ANO9: variants seen among roughly 807,000 people sequenced by gnomAD.
ANO9 encodes anoctamin 9, also known as anoctamin-9.
A neutral mutation model predicts 100.5 loss-of-function variants in ANO9; 80 were observed. That is an observed-to-expected ratio of 0.80 (90% CI 0.66 to 0.96). ANO9 has a LOEUF of 0.96. Among genes scored for constraint, ANO9 ranks in the 40% least tolerant of loss-of-function variants. The probability of loss-of-function intolerance (pLI) is 0.00; values close to 1 mark genes in which losing one functional copy is unlikely to be tolerated. For synonymous variants in ANO9, 473 were observed against 435.6 expected, an observed-to-expected ratio of 1.09 and a Z score of -1.07; for missense variants, 1,064 against 1,072.7, an observed-to-expected ratio of 0.99 and a Z score of 0.11.
chr11:435,371 A>C (rs1401639168), intron 1 of ANO9, among the ~76,000 whole-genome samples: 4 of 151,982 alleles, frequency 2.6e-5, no homozygotes, highest in Non-Finnish European at 5.9e-5. Context: ...ATAGCATAGG[A>C]TATCATAGCA....
intron 5 of ANO9, 39 bp from the exon 6 acceptor site, chr11:431,945 G>T: frequency 4.3e-6 from 7 of 1,612,026 alleles, no homozygotes; most frequent in Non-Finnish European, 5.9e-6. Flanking sequence ...GGAGTGAGGT[G>T]CTGGGAGAAC....
chr11:433,756 C>T (rs1849228301), intron 3 of ANO9, 59 bp downstream of exon 3: 1 of 1,520,768 alleles, frequency 6.6e-7, no homozygotes, highest in South Asian at 1.3e-5. Flanking sequence ...ATGGCCCTGC[C>T]CCTCGCTGGA....
intron 22 of ANO9, 65 bp downstream of exon 22, chr11:418,655 G>T: frequency 6.2e-7 from 1 of 1,610,142 alleles, no homozygotes; most frequent in Non-Finnish European, 8.5e-7. Flanking sequence ...GTTCAGGGCC[G>T]GGGAGAAGGA....
intron 15 of ANO9, among the ~76,000 whole-genome samples, chr11:423,933 G>A (rs2133685261): frequency 7.2e-6 from 1 of 138,312 alleles, no homozygotes; most frequent in South Asian, 2.2e-4. Context: ...ATTTGAGATG[G>A]AGCCTCACTC....
chr11:420,298 A>T (rs942638915), intron 19 of ANO9, 165 bp downstream of exon 19: 1 of 1,444,210 alleles, frequency 6.9e-7, no homozygotes, highest in East Asian at 2.5e-5. Flanking sequence ...GTACCCTCCC[A>T]CCCAGGCTCA....
Position 432,209 on chromosome 11 carries a change from A to C in ANO9, c.351-155T>G. The C allele has an allele frequency of 1.3e-6, 1 of 778,182 alleles. No individual in the cohort carries two copies. The highest frequency in any genetic ancestry group is 2.0e-6 in the Non-Finnish European group (1 of 489,692). The allele number at this position is 778,182 out of a possible 1,614,324, so 48.2% of individuals were successfully genotyped here. A position where few individuals can be genotyped will look rare whatever the true frequency, so the allele number is the denominator to read the frequency against. Reference sequence around the variant, plus strand: ...GACCAGAGCCCAGAATCCACAACTCACCCGGGAGCCCACCCCGCACCCTCC... The same window carrying C: ...GACCAGAGCCCAGAATCCACAACTCCCCCGGGAGCCCACCCCGCACCCTCC... On this transcript the variant is annotated intron_variant, in intron 4 of 22. Coordinates refer to ENST00000332826, the MANE Select transcript of ANO9 (RefSeq NM_001012302.3). This position sits in a 1 kb window ranked among gnomAD's most constrained non-coding sequence, Gnocchi z 4.8.
In ANO9 at chr11:421,692, G is replaced by A. The variant is rs1288614267; in HGVS notation, c.1335-494C>T. Among the ~76,000 whole-genome samples the A allele has an allele frequency of 2.0e-5, 3 of 152,184 alleles. No individual in the cohort carries two copies. The highest frequency in any genetic ancestry group is 3.2e-3 in the Middle Eastern group (1 of 316). The stretch of plus-strand genomic sequence containing the variant: ...GGCAAGGCCACAGGCTCCAACACAC[G>A]CTCCAGACAGTGTCTGTTACGAGTG... On this transcript the variant is annotated intron_variant, in intron 15 of 22. Transcript: ENST00000332826. This position sits in a 1 kb window ranked among gnomAD's most constrained non-coding sequence, Gnocchi z 6.8.
Position 432,286 on chromosome 11 carries a change from G to T in ANO9, c.351-232C>A. The T allele has an allele frequency of 1.8e-6, 1 of 553,704 alleles. No individual in the cohort carries two copies. Among genetic ancestry groups the T allele is most frequent in the Non-Finnish European group, 3.2e-6 (1 of 309,078 alleles). 34.3% of individuals were successfully genotyped at this position (553,704 alleles called of 1,614,324 possible). ...CCCCACGGCGTCCAGGATGAGGCTG[G>T]GCTGGGGGCTCCTTCTCCTCCCAGC... On this transcript the variant is annotated intron_variant, in intron 4 of 22. Transcript: ENST00000332826. The surrounding 1 kb of genome is among the most constrained non-coding windows in gnomAD (Gnocchi z 4.8).
intron 20 of ANO9, chr11:419,316 C>T (rs1363745797): frequency 2.5e-5 from 35 of 1,406,670 alleles, no homozygotes; most frequent in Non-Finnish European, 3.0e-5. Context: ...GGGAGGGAGC[C>T]GTTCTGGCAG....
chr11:441,799 A>ACC (rs1337136119), intron 1 of ANO9, 122 bp downstream of exon 1: 1 of 1,362,132 alleles, frequency 7.3e-7, no homozygotes. Flanking sequence ...GCCTGCAGGG[A>ACC]CCCCCCCCAC....
Position 421,331 on chromosome 11 carries a change from G to A in ANO9, c.1335-133C>T, listed in dbSNP as rs371833592. 1 of 915,364 alleles carries A rather than the reference G, an allele frequency of 1.1e-6. No homozygotes were observed. The highest frequency in any genetic ancestry group is 1.7e-5 in the African/African-American group (1 of 59,412). The allele number at this position is 915,364 out of a possible 1,614,324, so 56.7% of individuals were successfully genotyped here. ...GGCCCTGCAGGTGAGCGGGGCACAGGTGCTCACACCCAGATGAACCGCACC... is the reference window on the plus strand; with the variant it reads ...GGCCCTGCAGGTGAGCGGGGCACAGATGCTCACACCCAGATGAACCGCACC... On this transcript the variant is annotated intron_variant, in intron 15 of 22. Coordinates refer to ENST00000332826, the MANE Select transcript of ANO9 (RefSeq NM_001012302.3). The surrounding 1 kb of genome is among the most constrained non-coding windows in gnomAD (Gnocchi z 6.8).
In ANO9 at chr11:421,692, G is replaced by T. The variant is rs1288614267; in HGVS notation, c.1335-494C>A. Among the ~76,000 whole-genome samples, 2 of 152,302 alleles carry T rather than the reference G, an allele frequency of 1.3e-5. No homozygotes were observed. Among genetic ancestry groups the T allele is most frequent in the South Asian group, 2.1e-4 (1 of 4,824 alleles). On this transcript the variant is annotated intron_variant, in intron 15 of 22. Coordinates refer to ENST00000332826, the MANE Select transcript of ANO9 (RefSeq NM_001012302.3). This position sits in a 1 kb window ranked among gnomAD's most constrained non-coding sequence, Gnocchi z 6.8. ...GGCAAGGCCACAGGCTCCAACACAC[G>T]CTCCAGACAGTGTCTGTTACGAGTG...
rs1845917988 is a variant in ANO9 at position 441,951 on chromosome 11, T to C, written c.-25A>G. 6.2e-7 allele frequency: 1 copy of C among 1,605,336 alleles called. No homozygotes were observed. The highest frequency in any genetic ancestry group is 1.3e-5 in the African/African-American group (1 of 74,880). On this transcript the variant is annotated 5_prime_UTR_variant, in exon 1 of 23. Transcript: ENST00000332826. ...TGCTGGCTGTGGCCGGAGTTCCAGCTGGGGTTTGGCGGCCAGGAGAGTGGC... is the reference window on the plus strand; with the variant it reads ...TGCTGGCTGTGGCCGGAGTTCCAGCCGGGGTTTGGCGGCCAGGAGAGTGGC...
At chr11:419,246 GT>G in intron 20 of ANO9, 1 of 1,422,974 alleles carries the variant, frequency 7.0e-7, no homozygotes. Flanking sequence ...CTGCAGTTTG[GT>G]GGCTCCTCGA....
chr11:435,941 A>G (rs12577368), intron 1 of ANO9, among the ~76,000 whole-genome samples: 29,546 of 149,508 alleles, frequency 0.2, 3,038 homozygotes, highest in Middle Eastern at 0.26. Flanking sequence ...ATAGCATAGC[A>G]TAGTATAGCA....
At chr11:423,322 G>A (rs1848306813) in intron 15 of ANO9, among the ~76,000 whole-genome samples, 1 of 152,218 alleles carries the variant, frequency 6.6e-6, no homozygotes, top group South Asian at 2.1e-4. Flanking sequence ...GAATCCATGA[G>A]AAGACAATAT....
chr11:439,464 G>C (rs1298067550), intron 1 of ANO9, among the ~76,000 whole-genome samples: 1 of 150,934 alleles, frequency 6.6e-6, no homozygotes, highest in African/African-American at 2.4e-5. Flanking sequence ...CCCTACTCCT[G>C]AGAGGCCTGG....
chr11:435,352 T>C (rs1849387148), intron 1 of ANO9, among the ~76,000 whole-genome samples: 3 of 152,104 alleles, frequency 2.0e-5, no homozygotes, highest in South Asian at 2.1e-4. Context: ...TAGTCTAGTC[T>C]GGTCTAGTAT....
chr11:430,332 G>A lies in ANO9; in HGVS notation c.611C>T (p.Ala204Val), dbSNP rs774970964. 6 of 1,610,148 alleles carry A rather than the reference G, an allele frequency of 3.7e-6. No individual in the cohort carries two copies. Among genetic ancestry groups the A allele is most frequent in the Non-Finnish European group, 4.2e-6 (5 of 1,179,150 alleles). The stretch of plus-strand genomic sequence containing the variant: ...AAAGACTAAGAGGCCCGTCAGGGCG[G>A]CCGGCACCAGCATGTAGGTGTACCA... Reference protein sequence around the residue: ...LGWYTYMLVPAALTGLLVFLS... With the variant: ...LGWYTYMLVPVALTGLLVFLS... The change falls in exon 8 of 23, where the codon GCC (alanine) becomes GTC (valine). Residue 204 changes from alanine to valine, a missense_variant. Transcript: ENST00000332826.
Sources: gnomAD v4.1 joint callset for allele counts (sites outside exome capture counted in the v4.1 genomes callset) on GRCh38, gnomAD v4.1.1 for gene constraint, Gnocchi (gnomAD v3.1) non-coding constraint, MANE v1.5 for transcripts, NCBI Gene and HGNC (gene_info 2026-07-23, HGNC 2026-07-21) for gene names.